Variants in CCM2 observed in about 807,000 individuals in gnomAD.
CCM2 encodes the protein CCM2 scaffold protein.
CCM2 carries 25 observed loss-of-function variants against 44.9 expected under a neutral mutation model. That is an observed-to-expected ratio of 0.56 (90% CI 0.41 to 0.78). The LOEUF (loss-of-function observed/expected upper bound fraction) is 0.78, where lower values mean the gene tolerates loss of function less well. Among genes scored for constraint, CCM2 ranks in the 30% least tolerant of loss-of-function variants. The pLI is 0.00. For missense variants in CCM2, 481 were observed against 580.6 expected (o/e 0.83, Z 1.76); for synonymous variants, 219 against 241.1 (o/e 0.91, Z 0.85).
chr7:45,030,406 T>C (rs1378210284), intron 1 of CCM2, among the ~76,000 whole-genome samples: 1 of 152,246 alleles, frequency 6.6e-6, no homozygotes, highest in East Asian at 1.9e-4. Context: ...ATCCTGATTC[T>C]GTACATTAAA....
chr7:45,045,834 T>C (rs1036411785), intron 2 of CCM2, among the ~76,000 whole-genome samples: 2 of 152,132 alleles, frequency 1.3e-5, no homozygotes, highest in Admixed American at 6.6e-5. Flanking sequence ...AAACAAGATA[T>C]GTTTTTGAAC....
At position 45,013,139 on chromosome 7, in the gene CCM2, A is replaced by G. The variant is rs76751072; in HGVS notation, c.30+12776A>G. On this transcript the variant is annotated intron_variant, in intron 1 of 9. Transcript: ENST00000258781. ...CTTTTTTGCTGTAACTCCTCTATATATTGCTATATATATCCATGTCTTGTC... is the reference window on the plus strand; with the variant it reads ...CTTTTTTGCTGTAACTCCTCTATATGTTGCTATATATATCCATGTCTTGTC... 1.8e-3 allele frequency among the ~76,000 whole-genome samples: 266 copies of G among 151,786 alleles called. 2 individuals are homozygous for G. Among genetic ancestry groups the G allele is most frequent in the African/African-American group, 6.3e-3 (259 of 41,380 alleles).
At chr7:45,038,496 A>G (rs2128729283) in intron 2 of CCM2, 70 bp downstream of exon 2, 1 of 1,517,620 alleles carries the variant, frequency 6.6e-7, no homozygotes, top group Admixed American at 1.7e-5. Flanking sequence ...TCCACCAGAC[A>G]CTCTTGAGTT....
chr7:45,072,457 C>T (rs1024693374), intron 6 of CCM2: 9 of 583,596 alleles, frequency 1.5e-5, no homozygotes, highest in Admixed American at 2.8e-5. Flanking sequence ...TGGCTCTGGC[C>T]ATGGGTGAAT....
At position 45,037,418 on chromosome 7, in the gene CCM2, C is replaced by CTTTTT. The variant is rs11424221; in HGVS notation, c.31-819_31-815dup. ...CTGCTGATCAGGGCTTCTCCCCCTA[C>CTTTTT]TTTTTTTTTTTTTTTTTTTTGAGAC... On this transcript the variant is annotated intron_variant, in intron 1 of 9. Transcript: ENST00000258781. 9.1e-4 allele frequency among the ~76,000 whole-genome samples: 102 copies of CTTTTT among 112,044 alleles called. 2 individuals carry two copies. Among genetic ancestry groups the CTTTTT allele is most frequent in the East Asian group, 2.1e-3 (8 of 3,844 alleles). The allele number at this position is 112,044 out of a possible 152,430, so 73.5% of individuals were successfully genotyped here. A position where few individuals can be genotyped will look rare whatever the true frequency, so the allele number is the denominator to read the frequency against.
intron 1 of CCM2, among the ~76,000 whole-genome samples, chr7:45,019,816 C>A (rs1796411582): frequency 6.6e-6 from 1 of 152,186 alleles, no homozygotes. Context: ...CTCAAGTGAT[C>A]TTCCTGCCTT....
At position 45,000,226 on chromosome 7, in the gene CCM2, C is replaced by T; in HGVS notation, c.-108C>T. 1.7e-6 allele frequency: 1 copy of T among 595,282 alleles called. No homozygotes were observed. The highest frequency in any genetic ancestry group is 2.0e-6 in the Non-Finnish European group (1 of 505,728). The allele number at this position is 595,282 out of a possible 1,614,324, so 36.9% of individuals were successfully genotyped here. Reference sequence around the variant, plus strand: ...GGAGACTTCGGGCCCGGCTGGCGGGCGGCGCCGGGAGCGCGGGGGCGGCGG... The same window carrying T: ...GGAGACTTCGGGCCCGGCTGGCGGGTGGCGCCGGGAGCGCGGGGGCGGCGG... On this transcript the variant is annotated 5_prime_UTR_variant, in exon 1 of 10. Coordinates refer to ENST00000258781, the MANE Select transcript of CCM2 (RefSeq NM_031443.4).
At chr7:45,064,986 G>T (rs1355571136) in intron 4 of CCM2, among the ~76,000 whole-genome samples, 1 of 152,178 alleles carries the variant, frequency 6.6e-6, no homozygotes, top group Non-Finnish European at 1.5e-5. Context: ...AGCCTAGAGA[G>T]AGTGCAGTGG....
intron 1 of CCM2, among the ~76,000 whole-genome samples, chr7:45,029,780 T>C (rs1027358863): frequency 1.3e-5 from 2 of 152,226 alleles, no homozygotes; most frequent in African/African-American, 4.8e-5. Flanking sequence ...AGCCTGAGCC[T>C]TGGCTTTGTG....
intron 2 of CCM2, among the ~76,000 whole-genome samples, chr7:45,060,134 C>T (rs1198777238): frequency 6.6e-6 from 1 of 152,148 alleles, no homozygotes. Context: ...TTTAACTTTT[C>T]TTGAAATGTT....
chr7:45,038,153 G>C (rs1797315114), intron 1 of CCM2, 100 bp from the exon 2 acceptor site: 2 of 1,367,736 alleles, frequency 1.5e-6, no homozygotes, highest in African/African-American at 1.4e-5. Flanking sequence ...TTGCATGGGG[G>C]CCATGGTAGT....
chr7:45,042,287 C>T (rs537017581), intron 2 of CCM2, among the ~76,000 whole-genome samples: 24 of 90,870 alleles, frequency 2.6e-4, no homozygotes, highest in Admixed American at 1.9e-3. Context: ...GTGCCGTTCC[C>T]TTCCCTTCTG....
chr7:44,999,802 T>A (rs1795507021), upstream of CCM2: 1 of 9,866 alleles, frequency 1.0e-4, no homozygotes, highest in Non-Finnish European at 1.6e-4. Flanking sequence ...TTGGAGCTGC[T>A]CCCGCGCGCG....
At chr7:45,031,312 G>T (rs917830927) in intron 1 of CCM2, among the ~76,000 whole-genome samples, 27 of 149,074 alleles carry the variant, frequency 1.8e-4, no homozygotes, top group African/African-American at 6.4e-4. Context: ...AGCCCGGGAG[G>T]TGGAGGTTGC....
chr7:45,017,077 C>G (rs1009180882), intron 1 of CCM2, among the ~76,000 whole-genome samples: 1 of 152,186 alleles, frequency 6.6e-6, no homozygotes, highest in Non-Finnish European at 1.5e-5. Context: ...CCCAAACATT[C>G]ATTTTTAAAA....
chr7:45,024,285 C>T (rs1796602864), intron 1 of CCM2, among the ~76,000 whole-genome samples: 1 of 152,222 alleles, frequency 6.6e-6, no homozygotes, highest in Admixed American at 6.5e-5. Flanking sequence ...GTCAGTCAAA[C>T]ATTAAATGAT....
chr7:45,027,666 C>G (rs761290961), intron 1 of CCM2: 1 of 1,613,914 alleles, frequency 6.2e-7, no homozygotes, highest in East Asian at 2.2e-5. Flanking sequence ...GGGCTAACAT[C>G]TGGCCATATT....
chr7:45,048,233 T>C (rs1207661468), intron 2 of CCM2, among the ~76,000 whole-genome samples: 1 of 152,268 alleles, frequency 6.6e-6, no homozygotes. Context: ...TGTTTTACAA[T>C]TTTTTGAACT....
At chr7:45,070,658 G>A in intron 6 of CCM2, 1 of 277,402 alleles carries the variant, frequency 3.6e-6, no homozygotes, top group South Asian at 3.0e-5. Flanking sequence ...TGCATAAAAA[G>A]CTGTTGGAGG....
Sources: gnomAD v4.1 joint callset for allele counts (sites outside exome capture counted in the v4.1 genomes callset) on GRCh38, gnomAD v4.1.1 for gene constraint, MANE v1.5 for transcripts, NCBI Gene and HGNC (gene_info 2026-07-23, HGNC 2026-07-21) for gene names.